OPCML: variants seen among roughly 807,000 people sequenced by gnomAD.
OPCML encodes the protein opioid-binding protein/cell adhesion molecule.
OPCML carries 13 observed loss-of-function variants against 37.8 expected under a neutral mutation model. The ratio of observed to expected loss-of-function variants is 0.34; its 90% confidence interval spans 0.22 to 0.55. OPCML has a LOEUF of 0.55. Ranked by LOEUF, OPCML falls within the 20% of genes least tolerant of loss-of-function variation. The probability of loss-of-function intolerance (pLI) is 0.91; values close to 1 mark genes in which losing one functional copy is unlikely to be tolerated. For synonymous variants in OPCML, 176 were observed against 168.8 expected (o/e 1.04, Z -0.33); for missense variants, 341 against 435.6 (o/e 0.78, Z 1.93).
At chr11:133,172,342 G>A (rs912461707) in intron 1 of OPCML, among the ~76,000 whole-genome samples, 3 of 152,174 alleles carry the variant, frequency 2.0e-5, no homozygotes, top group Non-Finnish European at 4.4e-5. Context: ...AGCACCGAGT[G>A]CTTAGAAAAG....
rs541079537 is a variant in OPCML, at chr11:133,107,193, C to T, written c.62-164183G>A. ...CCTTCTGTAGTGTCAGTGGTGAACA[C>T]GTGGCTCTATATTTAGACAAACTCT... On this transcript the variant is annotated intron_variant, in intron 1 of 7. Transcript: ENST00000524381. Among the ~76,000 whole-genome samples the T allele has an allele frequency of 1.4e-4, 22 of 152,262 alleles. No homozygotes were observed. In the South Asian group the frequency reaches 3.5e-3, roughly 24 times the overall value.
intron 3 of OPCML, among the ~76,000 whole-genome samples, chr11:132,547,286 A>G (rs2096370875): frequency 6.6e-6 from 1 of 152,212 alleles, no homozygotes; most frequent in African/African-American, 2.4e-5. Flanking sequence ...GAGAAAGCTG[A>G]CCTTGAGGCA....
intron 1 of OPCML, among the ~76,000 whole-genome samples, chr11:133,355,720 C>T (rs1388165358): frequency 2.0e-5 from 3 of 152,166 alleles, no homozygotes; most frequent in Non-Finnish European, 2.9e-5. Context: ...GTGGTTCAAT[C>T]TGCCATCCTA....
At chr11:133,311,538 C>T (rs192594458) in intron 1 of OPCML, among the ~76,000 whole-genome samples, 2 of 152,192 alleles carry the variant, frequency 1.3e-5, no homozygotes, top group East Asian at 3.9e-4. Context: ...GGGTCAAATC[C>T]AGCTGTAGGA....
intron 1 of OPCML, among the ~76,000 whole-genome samples, chr11:133,151,070 C>T (rs983956403): frequency 4.0e-5 from 6 of 151,496 alleles, no homozygotes; most frequent in Non-Finnish European, 2.9e-5. Flanking sequence ...GTCAGGAGTT[C>T]GAGACCAGCC....
At chr11:132,965,487 T>C (rs1946193449) in intron 1 of OPCML, among the ~76,000 whole-genome samples, 1 of 152,188 alleles carries the variant, frequency 6.6e-6, no homozygotes, top group Non-Finnish European at 1.5e-5. Context: ...AGTTATCTAA[T>C]TTATTGGCAC....
chr11:132,981,550 G>A (rs1054429693), intron 1 of OPCML, among the ~76,000 whole-genome samples: 11 of 152,276 alleles, frequency 7.2e-5, no homozygotes, highest in South Asian at 2.1e-4. Flanking sequence ...ACCACCGCAC[G>A]TTTATAAACA....
chr11:132,728,439 T>G (rs538003272), intron 2 of OPCML, among the ~76,000 whole-genome samples: 1 of 152,200 alleles, frequency 6.6e-6, no homozygotes, highest in African/African-American at 2.4e-5. Context: ...GCTAGGAAAA[T>G]AGCAGAGGGG....
chr11:133,119,822 G>A (rs1416925193), intron 1 of OPCML, among the ~76,000 whole-genome samples: 2 of 152,144 alleles, frequency 1.3e-5, no homozygotes, highest in African/African-American at 2.4e-5. Context: ...TGTTCACGTC[G>A]CACAGGATGC....
chr11:132,670,465 A>C (rs148401628), intron 2 of OPCML, among the ~76,000 whole-genome samples: 37 of 152,334 alleles, frequency 2.4e-4, no homozygotes, highest in African/African-American at 8.4e-4. Context: ...GGTTCAAATG[A>C]AACTCACCCA....
intron 1 of OPCML, among the ~76,000 whole-genome samples, chr11:133,127,848 T>C (rs576605232): frequency 5.9e-5 from 9 of 152,150 alleles, no homozygotes; most frequent in Admixed American, 1.3e-4. Flanking sequence ...GCACCTCATA[T>C]GGACATAAGA....
At chr11:133,335,682 C>T (rs1943730654) in intron 1 of OPCML, among the ~76,000 whole-genome samples, 2 of 152,194 alleles carry the variant, frequency 1.3e-5, no homozygotes, top group South Asian at 2.1e-4. Context: ...ATCATCCTCA[C>T]TCTCATTCCA....
intron 1 of OPCML, chr11:133,008,448 G>A (rs1398663328): frequency 1.1e-5 from 11 of 982,940 alleles, no homozygotes; most frequent in Non-Finnish European, 1.3e-5. Flanking sequence ...GATTGTGGTA[G>A]ATGCCATGAT....
At chr11:132,521,187 G>A (rs955230435) in intron 4 of OPCML, among the ~76,000 whole-genome samples, 4 of 152,060 alleles carry the variant, frequency 2.6e-5, no homozygotes, top group Non-Finnish European at 5.9e-5. Context: ...CTTTTCAGAA[G>A]TATCTGTTCA....
chr11:133,255,422 C>T (rs1941280031), intron 1 of OPCML, among the ~76,000 whole-genome samples: 1 of 151,886 alleles, frequency 6.6e-6, no homozygotes, highest in Non-Finnish European at 1.5e-5. Flanking sequence ...CCACTTTTGA[C>T]CTGAGATTGG....
chr11:133,309,818 A>T (rs1325584241), intron 1 of OPCML, among the ~76,000 whole-genome samples: 3 of 152,172 alleles, frequency 2.0e-5, no homozygotes, highest in Non-Finnish European at 4.4e-5. Context: ...GACCAGTGAT[A>T]GATGAGATGA....
Position 132,907,259 on chromosome 11 carries a change from T to C in OPCML, c.146+35667A>G, listed in dbSNP as rs192970295. 9.8e-5 allele frequency among the ~76,000 whole-genome samples: 15 copies of C among 152,326 alleles called. 1 individual carries two copies. Among genetic ancestry groups the C allele is most frequent in the East Asian group, 5.8e-4 (3 of 5,170 alleles). ...ACGGTAAAAGCTGTTTTACGTTCCC[T>C]GGTCTTTCCATGGGGGTTCATGCCT... On this transcript the variant is annotated intron_variant, in intron 2 of 7. Coordinates refer to ENST00000524381, the MANE Select transcript of OPCML (RefSeq NM_001012393.5).
intron 2 of OPCML, among the ~76,000 whole-genome samples, chr11:132,936,540 A>G (rs915897479): frequency 3.3e-5 from 5 of 151,566 alleles, no homozygotes; most frequent in African/African-American, 1.2e-4. Flanking sequence ...CCGCCCCACA[A>G]CCTCCCCTCA....
chr11:132,615,284 G>A (rs551788731), intron 3 of OPCML, among the ~76,000 whole-genome samples: 1 of 152,284 alleles, frequency 6.6e-6, no homozygotes, highest in South Asian at 2.1e-4. Flanking sequence ...AAGTTATAAG[G>A]TCTGTCAAAA....
Sources: allele counts gnomAD v4.1 joint callset (sites outside exome capture counted in the v4.1 genomes callset), GRCh38; gene constraint gnomAD v4.1.1; transcripts MANE v1.5; gene names NCBI Gene and HGNC (gene_info 2026-07-23, HGNC 2026-07-21).